The following FAM210A variants were observed in gnomAD, a reference collection of about 807,000 sequenced individuals.
FAM210A encodes the protein family with sequence similarity 210 member A.
Under a neutral mutation model 25.3 loss-of-function variants are expected in FAM210A, and 13 were observed. That is an observed-to-expected ratio of 0.51 (90% confidence interval 0.33 to 0.82). FAM210A has a LOEUF of 0.82. Ranked by LOEUF, FAM210A falls within the 40% of genes least tolerant of loss-of-function variation. FAM210A has a pLI of 0.02. For synonymous variants in FAM210A, 125 were observed against 118.7 expected, an observed-to-expected ratio of 1.05 and a Z score of -0.35; for missense variants, 319 against 323.2, an observed-to-expected ratio of 0.99 and a Z score of 0.10.
chr18:13,705,518 C>T, intron 1 of FAM210A, among the ~76,000 whole-genome samples: 1 of 152,148 alleles, frequency 6.6e-6, no homozygotes, highest in South Asian at 2.1e-4. Flanking sequence ...GTCACCCAGG[C>T]TGGAGTGCAG....
intron 1 of FAM210A, among the ~76,000 whole-genome samples, chr18:13,725,325 T>C (rs2043931312): frequency 6.6e-6 from 1 of 152,188 alleles, no homozygotes; most frequent in Admixed American, 6.5e-5. Context: ...TCATCAGAAA[T>C]TGATGGGTCA....
chr18:13,686,149 A>C (rs1311219220), intron 1 of FAM210A, among the ~76,000 whole-genome samples: 1 of 152,230 alleles, frequency 6.6e-6, no homozygotes, highest in African/African-American at 2.4e-5. Flanking sequence ...CGGATATTAA[A>C]AAAGCAATAA....
chr18:13,720,517 A>C (rs2043890357), intron 1 of FAM210A, among the ~76,000 whole-genome samples: 3 of 152,116 alleles, frequency 2.0e-5, no homozygotes, highest in African/African-American at 7.2e-5. Context: ...GGACCCCTAG[A>C]AATTTCACAG....
intron 1 of FAM210A, among the ~76,000 whole-genome samples, chr18:13,696,259 C>G (rs979760709): frequency 6.6e-6 from 1 of 152,134 alleles, no homozygotes; most frequent in Non-Finnish European, 1.5e-5. Context: ...CCAAAATACC[C>G]AGAATAGCCA....
At chr18:13,677,921 C>T (rs562790961) in intron 2 of FAM210A, among the ~76,000 whole-genome samples, 4 of 152,218 alleles carry the variant, frequency 2.6e-5, no homozygotes, top group Admixed American at 6.5e-5. Context: ...GGAGCACCCT[C>T]GGTAGATATG....
At position 13,666,528 on chromosome 18, in the gene FAM210A, CT is replaced by C; in HGVS notation, c.770del (p.Lys257SerfsTer24). On this transcript the variant is annotated frameshift_variant, in exon 4 of 4. Transcript: ENST00000651643. LOFTEE classifies it high-confidence loss of function. ...AAACTTTTTCTTTGGTTTCTTGTAA[CT>C]TTTCAGTGAGTCTATCTTTTGTTTC... Reference protein sequence around the residue: ...MEETKDRLTEKLQETKEKVSF... With the variant: ...MEETKDRLTEXLQETKEKVSF... The C allele has an allele frequency of 6.2e-7, 1 of 1,614,086 alleles. No individual in the cohort carries two copies.
Position 13,726,493 on chromosome 18 carries a change from GGCCCCGCCA to G in FAM210A, c.-202_-194del, listed in dbSNP as rs994708241. ...CGGACGCTAGCCCCCTGCCGCCCCC[GGCCCCGCCA>G]GCCGCGCCCACTAGCAACGTGCTCG... On this transcript the variant is annotated 5_prime_UTR_variant, in exon 1 of 4. Transcript: ENST00000651643. The G allele has an allele frequency of 1.3e-5, 2 of 152,640 alleles. No individual in the cohort carries two copies. Among genetic ancestry groups the G allele is most frequent in the Non-Finnish European group, 2.9e-5 (2 of 68,378 alleles). The allele number at this position is 152,640 out of a possible 1,614,324, so 9.5% of individuals were successfully genotyped here.
Position 13,683,591 on chromosome 18 carries a change from A to G in FAM210A, c.-28-1486T>C, listed in dbSNP as rs182744086. Reference sequence around the variant, plus strand: ...TTTTTTTTTTTTTTTTAAGAATTATAGAGACTTCCAGATAATTACTTAGCC... The same window carrying G: ...TTTTTTTTTTTTTTTTAAGAATTATGGAGACTTCCAGATAATTACTTAGCC... On this transcript the variant is annotated intron_variant, in intron 1 of 3. Transcript: ENST00000651643. Among the ~76,000 whole-genome samples, 13 of 149,264 alleles carry G rather than the reference A, an allele frequency of 8.7e-5. 1 individual carries two copies. The highest frequency in any genetic ancestry group is 8.7e-4 in the Admixed American group (13 of 14,966).
intron 1 of FAM210A, among the ~76,000 whole-genome samples, chr18:13,719,789 A>T (rs1047584619): frequency 6.6e-6 from 1 of 152,074 alleles, no homozygotes; most frequent in East Asian, 1.9e-4. Context: ...CTACAATCAC[A>T]TTTAAAGGCA....
At chr18:13,704,463 T>TAAC (rs1366621196) in intron 1 of FAM210A, among the ~76,000 whole-genome samples, 2 of 152,186 alleles carry the variant, frequency 1.3e-5, no homozygotes, top group Non-Finnish European at 2.9e-5. Flanking sequence ...TTGCAAAGGG[T>TAAC]TATATAAGGT....
intron 1 of FAM210A, among the ~76,000 whole-genome samples, chr18:13,722,984 T>C (rs2043909059): frequency 6.6e-6 from 1 of 152,054 alleles, no homozygotes; most frequent in Non-Finnish European, 1.5e-5. Flanking sequence ...GCTGGGATCA[T>C]CCTTTTCTTT....
At chr18:13,721,229 G>A (rs1039651208) in intron 1 of FAM210A, among the ~76,000 whole-genome samples, 2 of 152,144 alleles carry the variant, frequency 1.3e-5, no homozygotes, top group African/African-American at 2.4e-5. Flanking sequence ...GGCTTTGTTA[G>A]TTGAAAGAAA....
At position 13,666,524 on chromosome 18, in the gene FAM210A, G is replaced by A. The variant is rs1248576292; in HGVS notation, c.775C>T (p.Gln259Ter). Residue 259 changes from glutamine to a stop codon, truncating the protein, a stop_gained, in exon 4 of 4, where the codon CAA becomes TAA. Coordinates refer to ENST00000651643, the MANE Select transcript of FAM210A (RefSeq NM_152352.4). LOFTEE classifies it high-confidence loss of function. ...ETKDRLTEKL[Q>*]ETKEKVSFKK... is the part of the protein sequence containing the mutation. ...AAGGAAACTTTTTCTTTGGTTTCTT[G>A]TAACTTTTCAGTGAGTCTATCTTTT... is the stretch of plus-strand genomic sequence containing the variant. 6.2e-7 allele frequency: 1 copy of A among 1,613,914 alleles called. No individual in the cohort carries two copies. Among genetic ancestry groups the A allele is most frequent in the Non-Finnish European group, 8.5e-7 (1 of 1,180,012 alleles).
At chr18:13,719,229 T>TACTCATCAGCTCA (rs6146231) in intron 1 of FAM210A, among the ~76,000 whole-genome samples, 1 of 151,796 alleles carries the variant, frequency 6.6e-6, no homozygotes, top group Middle Eastern at 3.2e-3. Context: ...CAATGCAGCT[T>TACTCATCAGCTCA]AACTAGAACA....
chr18:13,684,354 G>A (rs569326379), intron 1 of FAM210A, among the ~76,000 whole-genome samples: 31 of 151,942 alleles, frequency 2.0e-4, no homozygotes, highest in Admixed American at 4.6e-4. Flanking sequence ...ACCCGAGGTC[G>A]CGCCACTGCA....
At position 13,674,766 on chromosome 18, in the gene FAM210A, T is replaced by C. The variant is rs11080668; in HGVS notation, c.474-2793A>G. 2.5e-3 allele frequency among the ~76,000 whole-genome samples: 19 copies of C among 7,754 alleles called. 4 individuals carry two copies. The highest frequency in any genetic ancestry group is 2.9e-3 in the Admixed American group (2 of 694). 5.1% of individuals were successfully genotyped at this position (7,754 alleles called of 152,430 possible). ...TATTAACATTCCTGAGCCCCGACTT[T>C]ATTTCCAGTTTTCTGATTATTAACA... On this transcript the variant is annotated intron_variant, in intron 2 of 3. Coordinates refer to ENST00000651643, the MANE Select transcript of FAM210A (RefSeq NM_152352.4).
chr18:13,678,953 T>C (rs113439726), intron 2 of FAM210A, among the ~76,000 whole-genome samples: 51 of 152,310 alleles, frequency 3.3e-4, no homozygotes, highest in Middle Eastern at 6.8e-3. Flanking sequence ...CCACACTTGA[T>C]CAAACTAAAG....
rs531988663 is a variant in FAM210A, at chr18:13,712,992, C to G, written c.-29+13337G>C. Among the ~76,000 whole-genome samples, 64 of 152,296 alleles carry G rather than the reference C, an allele frequency of 4.2e-4. 1 individual carries two copies. Among genetic ancestry groups the G allele is most frequent in the African/African-American group, 1.4e-3 (59 of 41,562 alleles). ...GCTCATTTGCCGCCCTGGCTTTCCTCCAGCCCAGCTCTATCTTTCGTTGTT... is the reference window on the plus strand; with the variant it reads ...GCTCATTTGCCGCCCTGGCTTTCCTGCAGCCCAGCTCTATCTTTCGTTGTT... On this transcript the variant is annotated intron_variant, in intron 1 of 3. Transcript: ENST00000651643.
chr18:13,685,167 C>T (rs2043586255), intron 1 of FAM210A, among the ~76,000 whole-genome samples: 1 of 152,034 alleles, frequency 6.6e-6, no homozygotes, highest in South Asian at 2.1e-4. Context: ...TTTATTTAAC[C>T]CTATATAAAT....
Sources: allele counts gnomAD v4.1 joint callset (sites outside exome capture counted in the v4.1 genomes callset), GRCh38; gene constraint gnomAD v4.1.1; transcripts MANE v1.5; gene names NCBI Gene and HGNC (gene_info 2026-07-23, HGNC 2026-07-21).